ACSBG2: variants seen among roughly 807,000 people sequenced by gnomAD.
ACSBG2 encodes the protein long-chain-fatty-acid--CoA ligase ACSBG2.
In ACSBG2, 62 loss-of-function variants were observed where a neutral mutation model predicts 74.7. That is an observed-to-expected ratio of 0.83 (90% confidence interval 0.68 to 1.03). The LOEUF (loss-of-function observed/expected upper bound fraction) is 1.03. Ranked by LOEUF, ACSBG2 falls within the 50% of genes least tolerant of loss-of-function variation. The pLI is 0.00. For synonymous variants in ACSBG2, 309 were observed against 294.1 expected (o/e 1.05, Z -0.52); for missense variants, 730 against 817.6 (o/e 0.89, Z 1.31).
intron 14 of ACSBG2, chr19:6,191,175 C>A (rs1383007553): frequency 6.5e-6 from 1 of 154,236 alleles, no homozygotes; most frequent in African/African-American, 2.4e-5. Flanking sequence ...TTTATCCTCT[C>A]TTTTCCCCAA....
intron 6 of ACSBG2, among the ~76,000 whole-genome samples, chr19:6,165,454 T>C (rs1335954312): frequency 6.6e-6 from 1 of 152,176 alleles, no homozygotes; most frequent in East Asian, 1.9e-4. Flanking sequence ...CCCCATCCAA[T>C]TGGTGACTAA....
intron 2 of ACSBG2, among the ~76,000 whole-genome samples, chr19:6,145,280 C>T (rs2088987619): frequency 6.6e-6 from 1 of 152,040 alleles, no homozygotes; most frequent in Non-Finnish European, 1.5e-5. Context: ...CCTGTAATCC[C>T]CGCTACTTGA....
intron 6 of ACSBG2, among the ~76,000 whole-genome samples, chr19:6,162,919 C>T (rs2089673796): frequency 6.6e-6 from 1 of 151,738 alleles, no homozygotes; most frequent in African/African-American, 2.4e-5. Context: ...GTTGAAGACG[C>T]TAATTTATAG....
chr19:6,153,880 A>AAAAAGAAAAG (rs1568226090), intron 4 of ACSBG2, among the ~76,000 whole-genome samples: 6 of 107,696 alleles, frequency 5.6e-5, no homozygotes, highest in East Asian at 2.6e-4. Flanking sequence ...AAAGAAAAGA[A>AAAAAGAAAAG]AAGGAAAAGA....
In ACSBG2 at chr19:6,147,381, C is replaced by A; in HGVS notation, c.68-65C>A. 4 of 1,392,320 alleles carry A rather than the reference C, an allele frequency of 2.9e-6. No homozygotes were observed. In the South Asian group the frequency reaches 4.8e-5, roughly 17 times the overall value. 86.2% of individuals were successfully genotyped at this position (1,392,320 alleles called of 1,614,324 possible). A position where few individuals can be genotyped will look rare whatever the true frequency, so the allele number is the denominator to read the frequency against. On this transcript the variant is annotated intron_variant, in intron 2 of 14. Transcript: ENST00000588485. ...CTTAGGTCCAAAAAGACACCAACCG[C>A]CCCCCGTCCAAAGTTATTAAATAAA... is the stretch of plus-strand genomic sequence containing the variant.
In ACSBG2 at chr19:6,137,906, G is replaced by A. The variant is rs753376489; in HGVS notation, c.-32+1997G>A. Among the ~76,000 whole-genome samples, 7 of 152,092 alleles carry A rather than the reference G, an allele frequency of 4.6e-5. No homozygotes were observed. The South Asian group carries it at 6.2e-4, about 14-fold the overall frequency. ...TGACCTCAGGTGATCCACCCGCCTC[G>A]GCCTCCCAAAGCACTGGGATTACAG... On this transcript the variant is annotated intron_variant, in intron 1 of 14. Transcript: ENST00000588485.
chr19:6,190,579 G>A lies in ACSBG2; in HGVS notation c.1928-5G>A, dbSNP rs367866519. 26 of 1,612,918 alleles carry A rather than the reference G, an allele frequency of 1.6e-5. No homozygotes were observed. Among genetic ancestry groups the A allele is most frequent in the Admixed American group, 1.0e-4 (6 of 59,988 alleles). ...CAACTCAATTGATTTCTCCTTTCTC[G>A]ATAGGTCCAATGATGAAACTTAAGA... is the stretch of plus-strand genomic sequence containing the variant. On this transcript the variant is annotated splice_polypyrimidine_tract_variant and splice_region_variant and intron_variant, in intron 13 of 14. Transcript: ENST00000588485.
intron 14 of ACSBG2, chr19:6,192,071 C>CAACAAAA (rs1309981254): frequency 1.0e-4 from 6 of 57,446 alleles, no homozygotes; most frequent in African/African-American, 5.1e-4. Flanking sequence ...AGCACAGCAC[C>CAACAAAA]AAAAAAAAAA....
intron 6 of ACSBG2, among the ~76,000 whole-genome samples, chr19:6,163,880 T>C (rs1264708826): frequency 2.1e-5 from 3 of 140,744 alleles, no homozygotes; most frequent in African/African-American, 8.1e-5. Context: ...GAGGTGGAGG[T>C]TGCAGTGAGC....
intron 7 of ACSBG2, among the ~76,000 whole-genome samples, chr19:6,167,947 T>C (rs1202579538): frequency 2.0e-5 from 3 of 151,538 alleles, no homozygotes; most frequent in African/African-American, 7.3e-5. Flanking sequence ...CCCCATCCGG[T>C]TACCCGCCTC....
At chr19:6,168,385 A>G (rs919523092) in intron 7 of ACSBG2, among the ~76,000 whole-genome samples, 3 of 152,138 alleles carry the variant, frequency 2.0e-5, no homozygotes, top group African/African-American at 2.4e-5. Context: ...CAAACAATAA[A>G]CCACCCCATT....
intron 4 of ACSBG2, among the ~76,000 whole-genome samples, chr19:6,152,306 C>T (rs74927432): frequency 0.32 from 7,482 of 23,214 alleles, 2,138 homozygotes; most frequent in African/African-American, 0.55. Flanking sequence ...TTTTTTGAGA[C>T]GGAGTCTCGC....
intron 6 of ACSBG2, among the ~76,000 whole-genome samples, chr19:6,163,998 G>C (rs962228482): frequency 1.3e-5 from 2 of 152,120 alleles, no homozygotes. Context: ...CCAGAAATGA[G>C]CAAAAACGAA....
intron 1 of ACSBG2, among the ~76,000 whole-genome samples, chr19:6,141,249 A>C (rs1240585797): frequency 6.6e-6 from 1 of 152,180 alleles, no homozygotes; most frequent in South Asian, 2.1e-4. Flanking sequence ...TTTCTCACCC[A>C]CAGAATTGTG....
chr19:6,169,453 A>G (rs1339698174), intron 7 of ACSBG2, among the ~76,000 whole-genome samples: 8 of 152,096 alleles, frequency 5.3e-5, no homozygotes, highest in Non-Finnish European at 1.5e-5. Context: ...CTCTGTGCCT[A>G]TTTTTGTACC....
chr19:6,154,244 A>T (rs1560697), intron 4 of ACSBG2, among the ~76,000 whole-genome samples: 1 of 150,500 alleles, frequency 6.6e-6, no homozygotes, highest in African/African-American at 2.4e-5. Context: ...AAAAACCCCA[A>T]AAAATTAGCC....
rs1057128104 is a variant in ACSBG2, at chr19:6,174,480, C to G, written c.739-2749C>G. ...ATACATAAAATGCTTAGAACAATGC[C>G]TGGCATACAGGAAGCCATGTCAAGG... On this transcript the variant is annotated intron_variant, in intron 7 of 14. Transcript: ENST00000588485. This position sits in a 1 kb window ranked among gnomAD's most constrained non-coding sequence, Gnocchi z 4.2. Among the ~76,000 whole-genome samples, 6 of 152,182 alleles carry G rather than the reference C, an allele frequency of 3.9e-5. No individual in the cohort carries two copies. Among genetic ancestry groups the G allele is most frequent in the African/African-American group, 1.4e-4 (6 of 41,440 alleles).
chr19:6,182,761 T>C lies in ACSBG2; in HGVS notation c.917T>C (p.Val306Ala). ...CTTCGTTCCATACAGGGCACCTTGGTAAGTACTCTAAAGGAGGTAAAACCT... is the reference window on the plus strand; with the variant it reads ...CTTCGTTCCATACAGGGCACCTTGGCAAGTACTCTAAAGGAGGTAAAACCT... ...AQADALKGTLVSTLKEVKPTV... is the reference protein window; with the variant it reads ...AQADALKGTLASTLKEVKPTV... Residue 306 changes from valine to alanine, a missense_variant, in exon 9 of 15, where the codon GTA becomes GCA. Coordinates refer to ENST00000588485, the MANE Select transcript of ACSBG2 (RefSeq NM_030924.5). The C allele has an allele frequency of 6.2e-7, 1 of 1,614,054 alleles. No homozygotes were observed. Among genetic ancestry groups the C allele is most frequent in the Non-Finnish European group, 8.5e-7 (1 of 1,179,974 alleles).
chr19:6,185,700 C>A, intron 11 of ACSBG2, 47 bp downstream of exon 11: 1 of 1,602,882 alleles, frequency 6.2e-7, no homozygotes, highest in Non-Finnish European at 8.5e-7. Context: ...GCAGGCCCAC[C>A]CTGAACATTT....
Sources: gnomAD v4.1 joint callset for allele counts (sites outside exome capture counted in the v4.1 genomes callset) on GRCh38, gnomAD v4.1.1 for gene constraint, Gnocchi (gnomAD v3.1) non-coding constraint, MANE v1.5 for transcripts, NCBI Gene and HGNC (gene_info 2026-07-23, HGNC 2026-07-21) for gene names.